The following NUDT3 variants were observed in gnomAD, a reference collection of about 807,000 sequenced individuals.
NUDT3 encodes nudix hydrolase 3.
A neutral mutation model predicts 23.6 loss-of-function variants in NUDT3; 9 were observed. The ratio of observed to expected loss-of-function variants is 0.38; its 90% confidence interval spans 0.23 to 0.66. The LOEUF (loss-of-function observed/expected upper bound fraction) is 0.66, where lower values mean the gene tolerates loss of function less well. Among genes scored for constraint, NUDT3 ranks in the 30% least tolerant of loss-of-function variants. The pLI, the probability that NUDT3 is intolerant of heterozygous loss-of-function variation, is 0.52. For missense variants in NUDT3, 172 were observed against 218.5 expected, an observed-to-expected ratio of 0.79 and a Z score of 1.34; for synonymous variants, 86 against 82.6, an observed-to-expected ratio of 1.04 and a Z score of -0.22.
At chr6:34,374,444 T>A (rs2113762465) in intron 1 of NUDT3, among the ~76,000 whole-genome samples, 2 of 152,338 alleles carry the variant, frequency 1.3e-5, no homozygotes, top group East Asian at 3.9e-4. Flanking sequence ...CACCATTTAC[T>A]GCAGTGAATC....
chr6:34,281,294 C>A lies in NUDT3; in HGVS notation c.*7459G>T, dbSNP rs1163423587. On this transcript the variant is annotated 3_prime_UTR_variant, in exon 5 of 5. Transcript: ENST00000607016. ...CATTGGATAGGATGGAAGACAAAGT[C>A]TTTGAAATGGAGGCTGGGCTGGCAA... 1 of 152,206 alleles carries A rather than the reference C, an allele frequency of 6.6e-6. No homozygotes were observed. The highest frequency in any genetic ancestry group is 1.5e-5 in the Non-Finnish European group (1 of 68,052). The allele number at this position is 152,206 out of a possible 1,614,324, so 9.4% of individuals were successfully genotyped here. A position where few individuals can be genotyped will look rare whatever the true frequency, so the allele number is the denominator to read the frequency against.
At chr6:34,371,128 A>AT (rs1200261405) in intron 1 of NUDT3, among the ~76,000 whole-genome samples, 1 of 150,832 alleles carries the variant, frequency 6.6e-6, no homozygotes, top group Non-Finnish European at 1.5e-5. Flanking sequence ...GAAAAAAAAA[A>AT]GTCTAATACC....
chr6:34,370,017 A>T (rs1484971371), intron 1 of NUDT3, among the ~76,000 whole-genome samples: 1 of 152,228 alleles, frequency 6.6e-6, no homozygotes, highest in Non-Finnish European at 1.5e-5. Context: ...AAAGCCCTGA[A>T]ACATAATATT....
At position 34,288,552 on chromosome 6, in the gene NUDT3, C is replaced by G; in HGVS notation, c.*201G>C. The G allele has an allele frequency of 1.5e-6, 1 of 671,038 alleles. No homozygotes were observed. The highest frequency in any genetic ancestry group is 3.6e-5 in the Admixed American group (1 of 28,128). 41.6% of individuals were successfully genotyped at this position (671,038 alleles called of 1,614,324 possible). A position where few individuals can be genotyped will look rare whatever the true frequency, so the allele number is the denominator to read the frequency against. Reference sequence around the variant, plus strand: ...GTACTTACAAATTACACACCCAACCCCCACCCTCAATAAAAACAGAAGAAA... The same window carrying G: ...GTACTTACAAATTACACACCCAACCGCCACCCTCAATAAAAACAGAAGAAA... On this transcript the variant is annotated 3_prime_UTR_variant, in exon 5 of 5. Transcript: ENST00000607016.
chr6:34,372,982 C>T (rs13211736), intron 1 of NUDT3, among the ~76,000 whole-genome samples: 5 of 150,226 alleles, frequency 3.3e-5, no homozygotes, highest in African/African-American at 7.4e-5. Flanking sequence ...AGAGAGAGAG[C>T]GAGAGCACGC....
intron 1 of NUDT3, among the ~76,000 whole-genome samples, chr6:34,372,635 T>C (rs1205725111): frequency 6.6e-6 from 1 of 152,010 alleles, no homozygotes; most frequent in Non-Finnish European, 1.5e-5. Context: ...AGAAATCCCA[T>C]TTGTATTAAA....
intron 1 of NUDT3, among the ~76,000 whole-genome samples, chr6:34,365,530 G>C (rs899346873): frequency 2.6e-5 from 4 of 152,152 alleles, no homozygotes; most frequent in Non-Finnish European, 5.9e-5. Context: ...AAAATTTGAA[G>C]ACATCATGCT....
chr6:34,326,938 AC>A (rs1295788609), intron 2 of NUDT3, among the ~76,000 whole-genome samples: 1 of 152,006 alleles, frequency 6.6e-6, no homozygotes, highest in Non-Finnish European at 1.5e-5. Context: ...GTGTGTGGAG[AC>A]GAGAGAGAGA....
chr6:34,291,302 C>T (rs1408241550), intron 4 of NUDT3, among the ~76,000 whole-genome samples: 2 of 151,832 alleles, frequency 1.3e-5, no homozygotes, highest in East Asian at 1.9e-4. Flanking sequence ...AAACGTTCCC[C>T]GTTTTTTCTT....
rs2237099 is a variant in NUDT3 at position 34,338,190 on chromosome 6, A to G, written c.210+3672T>C. Among the ~76,000 whole-genome samples, 3 of 152,334 alleles carry G rather than the reference A, an allele frequency of 2.0e-5. No individual in the cohort carries two copies. The East Asian group carries it at 5.8e-4, about 29-fold the overall frequency. On this transcript the variant is annotated intron_variant, in intron 2 of 4. Coordinates refer to ENST00000607016, the MANE Select transcript of NUDT3 (RefSeq NM_006703.4). ...TGGGAAACCAATTCTGCTTCAGAGTAAAGAAAAGCTCACTAGCTACTTCAT... is the reference window on the plus strand; with the variant it reads ...TGGGAAACCAATTCTGCTTCAGAGTGAAGAAAAGCTCACTAGCTACTTCAT...
chr6:34,299,100 A>G (rs1763557943), intron 2 of NUDT3, among the ~76,000 whole-genome samples: 1 of 152,198 alleles, frequency 6.6e-6, no homozygotes, highest in Non-Finnish European at 1.5e-5. Flanking sequence ...GCCACAAGCA[A>G]TCTGAGAGTG....
chr6:34,388,210 T>C (rs948650318), intron 1 of NUDT3, among the ~76,000 whole-genome samples: 2 of 152,178 alleles, frequency 1.3e-5, no homozygotes, highest in African/African-American at 4.8e-5. Context: ...GTACATTCTA[T>C]GATGTTTACA....
At chr6:34,330,378 A>T (rs778560323) in intron 2 of NUDT3, among the ~76,000 whole-genome samples, 3 of 152,048 alleles carry the variant, frequency 2.0e-5, no homozygotes, top group Non-Finnish European at 4.4e-5. Flanking sequence ...TGTGGTTTTG[A>T]TTTGCATTTC....
intron 1 of NUDT3, among the ~76,000 whole-genome samples, chr6:34,371,874 TC>T (rs573055323): frequency 7.5e-4 from 115 of 152,318 alleles, no homozygotes; most frequent in African/African-American, 2.6e-3. Context: ...TAGGTATATC[TC>T]CTAATGCTAT....
intron 2 of NUDT3, among the ~76,000 whole-genome samples, chr6:34,300,110 G>C (rs554688777): frequency 6.6e-6 from 1 of 152,020 alleles, no homozygotes. Context: ...TACTGGGATT[G>C]AGGTATTTCT....
intron 2 of NUDT3, among the ~76,000 whole-genome samples, chr6:34,325,024 C>T (rs1764002891): frequency 6.6e-6 from 1 of 152,144 alleles, no homozygotes; most frequent in Non-Finnish European, 1.5e-5. Flanking sequence ...TGCCTTCATC[C>T]CCGAACTGTA....
intron 1 of NUDT3, among the ~76,000 whole-genome samples, chr6:34,347,372 T>C (rs1420997351): frequency 6.6e-6 from 1 of 152,178 alleles, no homozygotes; most frequent in East Asian, 1.9e-4. Flanking sequence ...GTATCAGACC[T>C]TTTTGAAGCT....
intron 4 of NUDT3, among the ~76,000 whole-genome samples, chr6:34,289,500 G>A (rs1046327109): frequency 6.6e-6 from 1 of 152,174 alleles, no homozygotes; most frequent in Non-Finnish European, 1.5e-5. Flanking sequence ...CCGGAAGGTC[G>A]CGGCTGCAGT....
intron 1 of NUDT3, among the ~76,000 whole-genome samples, chr6:34,363,298 T>A (rs1044649329): frequency 6.6e-6 from 1 of 152,160 alleles, no homozygotes; most frequent in Admixed American, 6.6e-5. Context: ...GATAAAAGAT[T>A]ACCTGGGTTC....
Sources: allele counts gnomAD v4.1 joint callset (sites outside exome capture counted in the v4.1 genomes callset), GRCh38; gene constraint gnomAD v4.1.1; transcripts MANE v1.5; gene names NCBI Gene and HGNC (gene_info 2026-07-23, HGNC 2026-07-21).